The following KAZN variants were observed in gnomAD, a reference collection of about 807,000 sequenced individuals.
The protein encoded by KAZN is kazrin, periplakin interacting protein.
KAZN carries 40 observed loss-of-function variants against 87.4 expected under a neutral mutation model. The ratio of observed to expected loss-of-function variants is 0.46; its 90% CI spans 0.36 to 0.60. The LOEUF is 0.60. KAZN is among the 20% of genes least tolerant of loss of function. The pLI, the probability that KAZN is intolerant of heterozygous loss-of-function variation, is 0.00. For synonymous variants in KAZN, 466 were observed against 458.3 expected, an observed-to-expected ratio of 1.02 and a Z score of -0.22; for missense variants, 898 against 1,073.9, an observed-to-expected ratio of 0.84 and a Z score of 2.29.
intron 2 of KAZN, among the ~76,000 whole-genome samples, chr1:14,200,631 G>A (rs1220982560): frequency 6.6e-6 from 1 of 152,130 alleles, no homozygotes; most frequent in Non-Finnish European, 1.5e-5. Context: ...GTTAAAATGT[G>A]TAATATGGCA....
chr1:14,335,577 A>G (rs1418911474), intron 2 of KAZN, among the ~76,000 whole-genome samples: 3 of 152,012 alleles, frequency 2.0e-5, no homozygotes, highest in African/African-American at 7.2e-5. Flanking sequence ...ACCTCCTGCC[A>G]TGATTTTAAG....
At chr1:14,412,488 T>C (rs1233475005) in intron 2 of KAZN, among the ~76,000 whole-genome samples, 1 of 152,280 alleles carries the variant, frequency 6.6e-6, no homozygotes, top group East Asian at 1.9e-4. Context: ...ATTGTATACA[T>C]TAGCTAAAAA....
At chr1:13,939,090 T>C (rs1401560610) in intron 1 of KAZN, among the ~76,000 whole-genome samples, 10 of 152,246 alleles carry the variant, frequency 6.6e-5, no homozygotes, top group Non-Finnish European at 2.9e-5. Context: ...AGCACCTAGC[T>C]CTTTTTTAGT....
intron 2 of KAZN, among the ~76,000 whole-genome samples, chr1:14,434,222 T>C (rs1305081988): frequency 2.0e-5 from 3 of 152,178 alleles, no homozygotes; most frequent in African/African-American, 7.2e-5. Flanking sequence ...GGGGCTATCA[T>C]GAAAAAAATC....
At chr1:13,912,748 G>A (rs1420403343) in intron 1 of KAZN, among the ~76,000 whole-genome samples, 1 of 151,928 alleles carries the variant, frequency 6.6e-6, no homozygotes, top group Non-Finnish European at 1.5e-5. Flanking sequence ...GGATTACAGG[G>A]GTGCAGCACC....
chr1:13,963,702 CAAAA>C (rs775519210), intron 1 of KAZN, among the ~76,000 whole-genome samples: 1 of 151,532 alleles, frequency 6.6e-6, no homozygotes, highest in Non-Finnish European at 1.5e-5. Context: ...AACAAAAAAA[CAAAA>C]AACCTTCATC....
At chr1:14,823,130 G>A (rs1198280336) in intron 1 of KAZN, among the ~76,000 whole-genome samples, 1 of 152,188 alleles carries the variant, frequency 6.6e-6, no homozygotes, top group East Asian at 1.9e-4. Flanking sequence ...AGCCTTCTGG[G>A]CATGTGGCAC....
rs149797878 is a variant in KAZN at position 14,455,462 on chromosome 1, G to T, written c.250-143521G>T. 3.3e-4 allele frequency among the ~76,000 whole-genome samples: 50 copies of T among 152,294 alleles called. No individual in the cohort carries two copies. In the East Asian group the frequency reaches 6.2e-3, roughly 19 times the overall value. On this transcript the variant is annotated intron_variant, in intron 2 of 16. Coordinates refer to the KAZN transcript ENST00000636203. ...GCGGGCCATCTTGGAGGCTGCGTTT[G>T]TTAAATTGGGATACTCAGTGTTCCA...
Position 14,138,082 on chromosome 1 carries a change from AGTGT to A in KAZN, c.92-42330_92-42327del, listed in dbSNP as rs149980453. Among the ~76,000 whole-genome samples, 463 of 150,076 alleles carry A rather than the reference AGTGT, an allele frequency of 3.1e-3. 1 individual carries two copies. Among genetic ancestry groups the A allele is most frequent in the African/African-American group, 0.01 (419 of 40,886 alleles). On this transcript the variant is annotated intron_variant, in intron 1 of 16. Transcript: ENST00000636203. The stretch of plus-strand genomic sequence containing the variant: ...AATGTTAGCATTAAATAAATGTTAC[AGTGT>A]GTGTGTGTGTGTGTGTGTGTGTATA...
At chr1:14,454,877 G>A (rs577538530) in intron 2 of KAZN, among the ~76,000 whole-genome samples, 3 of 152,324 alleles carry the variant, frequency 2.0e-5, no homozygotes, top group African/African-American at 7.2e-5. Flanking sequence ...CAGAGTTTCT[G>A]AGGGTTAGGA....
chr1:14,425,148 A>G (rs1265712174), intron 2 of KAZN, among the ~76,000 whole-genome samples: 1 of 152,196 alleles, frequency 6.6e-6, no homozygotes, highest in Non-Finnish European at 1.5e-5. Context: ...ATCAGAGGCC[A>G]ACCTGAACCC....
intron 2 of KAZN, among the ~76,000 whole-genome samples, chr1:14,428,906 TTA>T (rs979975162): frequency 8.0e-5 from 12 of 150,302 alleles, no homozygotes; most frequent in Admixed American, 1.3e-4. Flanking sequence ...ACCATATCGT[TTA>T]TATATATATA....
At position 15,048,578 on chromosome 1, in the gene KAZN, T is replaced by G. The variant is rs1045761396; in HGVS notation, c.726+4419T>G. Among the ~76,000 whole-genome samples the G allele has an allele frequency of 4.8e-3, 697 of 146,240 alleles. 6 individuals are homozygous for G. Among genetic ancestry groups the G allele is most frequent in the East Asian group, 0.04 (197 of 4,870 alleles). On this transcript the variant is annotated intron_variant, in intron 4 of 14. Coordinates refer to ENST00000376030, the MANE Select transcript of KAZN (RefSeq NM_201628.3). The stretch of plus-strand genomic sequence containing the variant: ...TTGTTGGTCCTGGGTCGTTGATCCT[T>G]GGTCGTTGGTCCTGGGTCGTCGGTC...
intron 2 of KAZN, among the ~76,000 whole-genome samples, chr1:14,434,603 C>G (rs974858565): frequency 2.6e-5 from 4 of 152,186 alleles, no homozygotes; most frequent in African/African-American, 9.6e-5. Context: ...GCTGAGAACA[C>G]TGGGCCCTGG....
At chr1:14,408,255 A>C (rs1336362775) in intron 2 of KAZN, among the ~76,000 whole-genome samples, 1 of 152,248 alleles carries the variant, frequency 6.6e-6, no homozygotes, top group East Asian at 1.9e-4. Context: ...ATGAGCCAAG[A>C]GGGATGTATC....
At position 14,959,257 on chromosome 1, in the gene KAZN, C is replaced by A. The variant is rs531718911; in HGVS notation, c.227-1427C>A. Among the ~76,000 whole-genome samples the A allele has an allele frequency of 3.9e-5, 6 of 152,298 alleles. No homozygotes were observed. In the South Asian group the frequency reaches 1.2e-3, roughly 32 times the overall value. ...CATCACACAGGGCGGTGAGAGAAGA[C>A]CCTTCCACGCAGGTGATGTGGAGTA... On this transcript the variant is annotated intron_variant, in intron 1 of 14. Coordinates refer to ENST00000376030, the MANE Select transcript of KAZN (RefSeq NM_201628.3).
At chr1:14,454,977 G>T (rs374241424) in intron 2 of KAZN, among the ~76,000 whole-genome samples, 2 of 152,162 alleles carry the variant, frequency 1.3e-5, no homozygotes, top group South Asian at 4.1e-4. Flanking sequence ...CTTGACCAGG[G>T]CCAGAAGCAG....
intron 1 of KAZN, among the ~76,000 whole-genome samples, chr1:14,809,897 A>G (rs377756669): frequency 2.0e-5 from 3 of 152,286 alleles, no homozygotes; most frequent in African/African-American, 2.4e-5. Flanking sequence ...AACTCTGCCA[A>G]GGATCATGAA....
intron 2 of KAZN, among the ~76,000 whole-genome samples, chr1:15,016,637 G>C (rs1469560563): frequency 6.6e-6 from 1 of 152,162 alleles, no homozygotes; most frequent in East Asian, 1.9e-4. Flanking sequence ...TGTTACGGAA[G>C]CCACAGGAAA....
Sources: gnomAD v4.1 joint callset for allele counts (sites outside exome capture counted in the v4.1 genomes callset) on GRCh38, gnomAD v4.1.1 for gene constraint, MANE v1.5 for transcripts, NCBI Gene and HGNC (gene_info 2026-07-23, HGNC 2026-07-21) for gene names.